ZNF354B: variants seen among roughly 807,000 people sequenced by gnomAD.
The protein encoded by ZNF354B is zinc finger protein 354B.
Under a neutral mutation model 12.9 loss-of-function variants are expected in ZNF354B, and 10 were observed. That is an observed-to-expected ratio of 0.77 (90% CI 0.48 to 1.31). The LOEUF is 1.31. Among genes scored for constraint, ZNF354B ranks in the 40% most tolerant of loss-of-function variants. The probability of loss-of-function intolerance (pLI) is 0.00; values close to 1 mark genes in which losing one functional copy is unlikely to be tolerated. For synonymous variants in ZNF354B, 260 were observed against 243.7 expected (o/e 1.07, Z -0.62); for missense variants, 614 against 711.7 (o/e 0.86, Z 1.56).
chr5:178,861,458 T>C (rs969807095), intron 2 of ZNF354B, among the ~76,000 whole-genome samples: 3 of 152,238 alleles, frequency 2.0e-5, no homozygotes, highest in African/African-American at 7.2e-5. Context: ...AGAATCCTCA[T>C]AACACCACCC....
chr5:178,863,309 T>C (rs914079295), intron 2 of ZNF354B, among the ~76,000 whole-genome samples: 4 of 152,218 alleles, frequency 2.6e-5, no homozygotes, highest in Non-Finnish European at 4.4e-5. Context: ...TGCATATGTA[T>C]GTGTATGTTT....
At chr5:178,860,373 T>C (rs1164211542) in intron 1 of ZNF354B, among the ~76,000 whole-genome samples, 1 of 142,192 alleles carries the variant, frequency 7.0e-6, no homozygotes, top group African/African-American at 2.5e-5. Flanking sequence ...GGGCCCACCC[T>C]GCGCGCGCCG....
At chr5:178,863,048 C>T (rs976084290) in intron 2 of ZNF354B, among the ~76,000 whole-genome samples, 3 of 152,136 alleles carry the variant, frequency 2.0e-5, no homozygotes, top group Non-Finnish European at 2.9e-5. Context: ...TCTCAGGGCT[C>T]TATGCAGATA....
intron 4 of ZNF354B, among the ~76,000 whole-genome samples, chr5:178,881,789 G>A (rs7445002): frequency 0.2 from 29,929 of 151,976 alleles, 3,520 homozygotes; most frequent in Non-Finnish European, 0.25. Context: ...GATTACAGGC[G>A]TGCGCCACAA....
At chr5:178,861,512 C>T (rs534701887) in intron 2 of ZNF354B, among the ~76,000 whole-genome samples, 4 of 152,296 alleles carry the variant, frequency 2.6e-5, no homozygotes, top group East Asian at 3.9e-4. Flanking sequence ...TTTTTTGTCC[C>T]TCTTAACTTT....
intron 4 of ZNF354B, among the ~76,000 whole-genome samples, chr5:178,879,118 G>T (rs193271553): frequency 2.0e-4 from 31 of 151,442 alleles, no homozygotes; most frequent in Non-Finnish European, 3.1e-4. Context: ...GTGCCATCTC[G>T]GCTCACTTCA....
intron 4 of ZNF354B, among the ~76,000 whole-genome samples, chr5:178,878,515 A>G (rs142108660): frequency 6.6e-6 from 1 of 152,330 alleles, no homozygotes; most frequent in East Asian, 1.9e-4. Flanking sequence ...TTTACTCTTT[A>G]AATGTACATT....
At chr5:178,882,251 G>T (rs1244884172) in intron 4 of ZNF354B, among the ~76,000 whole-genome samples, 1 of 152,206 alleles carries the variant, frequency 6.6e-6, no homozygotes, top group Non-Finnish European at 1.5e-5. Context: ...AATAAGGGGA[G>T]TGAGTTGTTG....
intron 2 of ZNF354B, among the ~76,000 whole-genome samples, chr5:178,864,027 G>GT (rs1413804044): frequency 1.3e-5 from 2 of 152,152 alleles, no homozygotes; most frequent in African/African-American, 2.4e-5. Context: ...GAAAGTAAAA[G>GT]TTACAGTAAG....
intron 4 of ZNF354B, among the ~76,000 whole-genome samples, chr5:178,875,591 C>T (rs368953816): frequency 1.3e-5 from 2 of 152,308 alleles, no homozygotes; most frequent in African/African-American, 2.4e-5. Context: ...GAGGGACTTT[C>T]GGTTGCCTCT....
chr5:178,882,806 C>T lies in ZNF354B; in HGVS notation c.354C>T (p.Asn118=), dbSNP rs765934549. The change falls in exon 5 of 5, where the codon AAC becomes AAT. Residue 118 remains asparagine, a synonymous_variant. Transcript: ENST00000322434. The part of the protein sequence containing the change: ...RKRLKRDEPW[N]FISERSCIYE... ...GATTGAAAAGGGATGAACCCTGGAA[C>T]TTCATATCAGAAAGATCCTGCATAT... 2.2e-5 allele frequency: 35 copies of T among 1,603,942 alleles called. No homozygotes were observed. The highest frequency in any genetic ancestry group is 2.1e-5 in the Non-Finnish European group (25 of 1,177,846).
At chr5:178,862,436 G>T (rs1376533573) in intron 2 of ZNF354B, among the ~76,000 whole-genome samples, 1 of 144,938 alleles carries the variant, frequency 6.9e-6, no homozygotes, top group Non-Finnish European at 1.5e-5. Flanking sequence ...GCGCGATCTC[G>T]GCTCACTGCA....
intron 2 of ZNF354B, among the ~76,000 whole-genome samples, chr5:178,862,306 G>T (rs1757369363): frequency 6.6e-6 from 1 of 151,356 alleles, no homozygotes; most frequent in African/African-American, 2.4e-5. Context: ...GCGTCTTTCA[G>T]AGTATGGGCA....
chr5:178,883,480 G>C lies in ZNF354B; in HGVS notation c.1028G>C (p.Gly343Ala). Residue 343 changes from glycine (G) to alanine (A), a missense_variant, in exon 5 of 5, where the codon GGA becomes GCA. Transcript: ENST00000322434. ...TCCAGTTACAGCACTTCCCTTTCTG[G>C]AAGTCAGAAAATTCATCTCAGAAAG... ...KASSYSTSLS[G>A]SQKIHLRKKS... 6.2e-7 allele frequency: 1 copy of C among 1,614,064 alleles called. No individual in the cohort carries two copies. Among genetic ancestry groups the C allele is most frequent in the Non-Finnish European group, 8.5e-7 (1 of 1,179,970 alleles).
chr5:178,883,435 A>G lies in ZNF354B; in HGVS notation c.983A>G (p.Tyr328Cys). The change falls in exon 5 of 5, where the codon TAC (tyrosine) becomes TGC (cysteine). Residue 328 changes from tyrosine to cysteine, a missense_variant. Coordinates refer to ENST00000322434, the MANE Select transcript of ZNF354B (RefSeq NM_058230.3). Reference protein sequence around the residue: ...KIHAQENPHKYNPGRKASSYS... With the variant: ...KIHAQENPHKCNPGRKASSYS... ...CATGCTCAAGAAAATCCCCATAAAT[A>G]CAATCCAGGCAGGAAGGCATCCAGT... 6.2e-7 allele frequency: 1 copy of G among 1,614,066 alleles called. No homozygotes were observed.
At chr5:178,873,749 T>C (rs1757595806) in intron 4 of ZNF354B, among the ~76,000 whole-genome samples, 1 of 152,190 alleles carries the variant, frequency 6.6e-6, no homozygotes, top group Admixed American at 6.5e-5. Flanking sequence ...TAGTTCTTTG[T>C]ATGAATTTTA....
At chr5:178,875,696 A>G (rs1281631682) in intron 4 of ZNF354B, among the ~76,000 whole-genome samples, 1 of 152,140 alleles carries the variant, frequency 6.6e-6, no homozygotes, top group Non-Finnish European at 1.5e-5. Context: ...TGGGGGATCT[A>G]CTTGGTGAAG....
At chr5:178,861,632 A>T (rs2114003740) in intron 2 of ZNF354B, among the ~76,000 whole-genome samples, 1 of 151,696 alleles carries the variant, frequency 6.6e-6, no homozygotes, top group African/African-American at 2.4e-5. Flanking sequence ...GACGAGAGTG[A>T]ACAGAGTTGG....
intron 4 of ZNF354B, among the ~76,000 whole-genome samples, chr5:178,872,354 A>G (rs769610654): frequency 6.6e-6 from 1 of 152,124 alleles, no homozygotes; most frequent in Non-Finnish European, 1.5e-5. Flanking sequence ...GTCGTGTTCC[A>G]TAGAGTATAT....
Sources: allele counts gnomAD v4.1 joint callset (sites outside exome capture counted in the v4.1 genomes callset), GRCh38; gene constraint gnomAD v4.1.1; transcripts MANE v1.5; gene names NCBI Gene and HGNC (gene_info 2026-07-23, HGNC 2026-07-21).